FAM78B: variants seen among roughly 807,000 people sequenced by gnomAD.
FAM78B encodes the protein family with sequence similarity 78 member B.
Under a neutral mutation model 20.0 loss-of-function variants are expected in FAM78B, and 10 were observed. That is an observed-to-expected ratio of 0.50 (90% CI 0.31 to 0.85). The LOEUF (loss-of-function observed/expected upper bound fraction) is 0.85. Ranked by LOEUF, FAM78B falls within the 40% of genes least tolerant of loss-of-function variation. FAM78B has a pLI of 0.05. For synonymous variants in FAM78B, 135 were observed against 132.8 expected (o/e 1.02, Z -0.12); for missense variants, 283 against 345.0 (o/e 0.82, Z 1.42).
intron 1 of FAM78B, among the ~76,000 whole-genome samples, chr1:166,140,097 G>A (rs1259766414): frequency 6.6e-6 from 1 of 152,248 alleles, no homozygotes. Flanking sequence ...GCCTGCAGCA[G>A]GGCTAGACTC....
exon 3 of FAM78B, chr1:166,058,058 C>G (rs1173448714): frequency 2.0e-5 from 3 of 151,674 alleles, no homozygotes; most frequent in African/African-American, 7.3e-5. Flanking sequence ...CTTGCTTGTG[C>G]TCATGCACTT....
chr1:166,166,138 G>A lies in FAM78B; in HGVS notation c.111C>T (p.Thr37=), dbSNP rs140686242. Residue 37 remains threonine (T), a synonymous_variant, in exon 1 of 2, where the codon ACC becomes ACT. Transcript: ENST00000354422. ...IDQCPTRIEE[T]SPIVLRYKTP... is the part of the protein sequence containing the mutation. ...TCTTGTAGCGCAGGACGATGGGCGAGGTCTCCTCGATGCGCGTGGGGCACT... is the reference window on the plus strand; with the variant it reads ...TCTTGTAGCGCAGGACGATGGGCGAAGTCTCCTCGATGCGCGTGGGGCACT... The A allele has an allele frequency of 1.8e-4, 285 of 1,608,768 alleles. 1 individual carries two copies. Among genetic ancestry groups the A allele is most frequent in the African/African-American group, 1.5e-3 (112 of 74,916 alleles).
chr1:166,134,688 G>A (rs1368150943), intron 1 of FAM78B, among the ~76,000 whole-genome samples: 1 of 152,130 alleles, frequency 6.6e-6, no homozygotes, highest in Admixed American at 6.6e-5. Flanking sequence ...TTCTGTTCCT[G>A]ATTGTGGTGT....
At chr1:166,063,310 G>A (rs749476457) in intron 2 of FAM78B, among the ~76,000 whole-genome samples, 1 of 152,198 alleles carries the variant, frequency 6.6e-6, no homozygotes. Flanking sequence ...CTCCCTGCTT[G>A]ATCTTCTTGT....
chr1:166,143,490 G>A (rs1260745601), intron 1 of FAM78B, among the ~76,000 whole-genome samples: 3 of 152,152 alleles, frequency 2.0e-5, no homozygotes, highest in Non-Finnish European at 2.9e-5. Flanking sequence ...CAGAGGCTTG[G>A]CATTACTTGC....
chr1:166,070,636 T>A lies in FAM78B; in HGVS notation c.391A>T (p.Ile131Phe), dbSNP rs1431808395. ...TVTLVGPTNK[I>F]SRFSVSMNDN... ...TTCATGCTGACGGAGAACCTGGAGA[T>A]CTTGTTGGTGGGGCCAACCAGGGTC... Residue 131 changes from isoleucine to phenylalanine, a missense_variant, in exon 2 of 2, where the codon ATC becomes TTC. Coordinates refer to ENST00000354422, the MANE Select transcript of FAM78B (RefSeq NM_001017961.5). 6.2e-7 allele frequency: 1 copy of A among 1,613,798 alleles called. No homozygotes were observed. Among genetic ancestry groups the A allele is most frequent in the Admixed American group, 1.7e-5 (1 of 60,020 alleles).
At chr1:166,128,869 C>G (rs559495122) in intron 1 of FAM78B, among the ~76,000 whole-genome samples, 1 of 152,240 alleles carries the variant, frequency 6.6e-6, no homozygotes, top group East Asian at 1.9e-4. Context: ...TCCTGGGAGC[C>G]ATTACTTTGA....
At chr1:166,101,470 T>C (rs1002081541) in intron 1 of FAM78B, among the ~76,000 whole-genome samples, 4 of 152,040 alleles carry the variant, frequency 2.6e-5, no homozygotes, top group Non-Finnish European at 4.4e-5. Flanking sequence ...GAAAAAAAAT[T>C]AGATGAATGG....
At chr1:166,150,388 A>C (rs1429736963) in intron 1 of FAM78B, among the ~76,000 whole-genome samples, 1 of 152,234 alleles carries the variant, frequency 6.6e-6, no homozygotes, top group Admixed American at 6.5e-5. Context: ...AGGAGACATG[A>C]AAAGCTTACT....
intron 1 of FAM78B, among the ~76,000 whole-genome samples, chr1:166,134,399 G>C (rs368112317): frequency 1.1e-3 from 167 of 152,238 alleles, no homozygotes; most frequent in African/African-American, 3.7e-3. Context: ...GGCAGAGGCA[G>C]GACTGCAGCT....
chr1:166,128,486 A>C, intron 1 of FAM78B, among the ~76,000 whole-genome samples: 1 of 152,226 alleles, frequency 6.6e-6, no homozygotes, highest in East Asian at 1.9e-4. Flanking sequence ...TAGGCAGTTA[A>C]CACCTGAATT....
intron 1 of FAM78B, among the ~76,000 whole-genome samples, chr1:166,159,587 T>C (rs1298209198): frequency 6.6e-6 from 1 of 152,182 alleles, no homozygotes. Flanking sequence ...TAAAACAGCA[T>C]TTGTCCCTGC....
At chr1:166,089,114 G>A (rs1463341503) in intron 1 of FAM78B, among the ~76,000 whole-genome samples, 1 of 152,128 alleles carries the variant, frequency 6.6e-6, no homozygotes, top group Non-Finnish European at 1.5e-5. Context: ...GTAATCCTTA[G>A]GTCTAAACCC....
At chr1:166,147,635 T>C (rs1177970365) in intron 1 of FAM78B, 1 of 150,246 alleles carries the variant, frequency 6.7e-6, no homozygotes, top group Admixed American at 6.8e-5. Flanking sequence ...CCAAACACCA[T>C]GATTTTTTTT....
intron 1 of FAM78B, among the ~76,000 whole-genome samples, chr1:166,153,961 C>T (rs573200878): frequency 6.6e-6 from 1 of 152,118 alleles, no homozygotes; most frequent in Non-Finnish European, 1.5e-5. Flanking sequence ...TTTGATCATG[C>T]CCCTATGCTG....
intron 1 of FAM78B, among the ~76,000 whole-genome samples, chr1:166,161,043 G>A (rs567832809): frequency 1.3e-5 from 2 of 152,352 alleles, no homozygotes; most frequent in East Asian, 3.9e-4. Flanking sequence ...TTCAGATGGA[G>A]AGCGGCATAT....
At chr1:166,068,771 G>A (rs1048853936), downstream of FAM78B, among the ~76,000 whole-genome samples, 1 of 152,146 alleles carries the variant, frequency 6.6e-6, no homozygotes, top group African/African-American at 2.4e-5. Flanking sequence ...TGCATGGAAG[G>A]GGGTGGTGAA....
chr1:166,075,383 TAAAC>T (rs965873018), intron 1 of FAM78B, among the ~76,000 whole-genome samples: 12 of 151,990 alleles, frequency 7.9e-5, no homozygotes, highest in Admixed American at 4.6e-4. Context: ...AAAGAATAAA[TAAAC>T]AAAAAGAATC....
chr1:166,056,994 C>A (rs979125274), downstream of FAM78B, among the ~76,000 whole-genome samples: 3 of 152,200 alleles, frequency 2.0e-5, no homozygotes, highest in Non-Finnish European at 4.4e-5. Context: ...GAGGGCACAG[C>A]TGGAAGGTGC....
Sources: gnomAD v4.1 joint callset for allele counts (sites outside exome capture counted in the v4.1 genomes callset) on GRCh38, gnomAD v4.1.1 for gene constraint, MANE v1.5 for transcripts, NCBI Gene and HGNC (gene_info 2026-07-23, HGNC 2026-07-21) for gene names.